LLGL2: variants seen among roughly 807,000 people sequenced by gnomAD.
The protein encoded by LLGL2 is LLGL2, scribble cell polarity complex component.
In LLGL2, 81 loss-of-function variants were observed where a neutral mutation model predicts 123.2. The ratio of observed to expected loss-of-function variants is 0.66; its 90% CI spans 0.55 to 0.79. The LOEUF is 0.79. LLGL2 is among the 30% of genes least tolerant of loss of function. LLGL2 has a pLI of 0.00. For missense variants in LLGL2, 1,273 were observed against 1,414.6 expected (o/e 0.90, Z 1.61); for synonymous variants, 577 against 594.1 (o/e 0.97, Z 0.42).
rs753045362 is a variant in LLGL2, at chr17:75,570,218, C to T, written c.1837C>T (p.Leu613Phe). The change falls in exon 15 of 26, where the codon CTC becomes TTC. Residue 613 changes from leucine to phenylalanine, a missense_variant. By Grantham distance (22) the Leu-to-Phe change is conservative. Transcript: ENST00000392550. ...VAFGTSHGFG[L>F]FDHQQRRQVF... The stretch of plus-strand genomic sequence containing the variant: ...CTTCGGCACCAGCCATGGCTTTGGC[C>T]TCTTTGACCACCAGCAGCGGCGGCA... 20 of 1,600,664 alleles carry T rather than the reference C, an allele frequency of 1.2e-5. No homozygotes were observed. Among genetic ancestry groups the T allele is most frequent in the Non-Finnish European group, 6.8e-6 (8 of 1,174,872 alleles).
rs372940306 is a variant in LLGL2, at chr17:75,560,802, TAAAAAAAAAAAA to T, written c.530+1411_530+1422del. On this transcript the variant is annotated intron_variant, in intron 6 of 25. Coordinates refer to ENST00000392550, the MANE Select transcript of LLGL2 (RefSeq NM_001031803.2). Reference sequence around the variant, plus strand: ...CGCCTGGCCCAGTTTGTTTATTTATTAAAAAAAAAAAAAAAAAAAAAAAAAAAAAACAAAGAA... The same window carrying T: ...CGCCTGGCCCAGTTTGTTTATTTATTAAAAAAAAAAAAAAAAAACAAAGAA... Among the ~76,000 whole-genome samples the T allele has an allele frequency of 1.6e-3, 150 of 96,122 alleles. 4 individuals are homozygous for T. Among genetic ancestry groups the T allele is most frequent in the Admixed American group, 2.4e-3 (16 of 6,760 alleles). The allele number at this position is 96,122 out of a possible 152,430, so 63.1% of individuals were successfully genotyped here. A position where few individuals can be genotyped will look rare whatever the true frequency, so the allele number is the denominator to read the frequency against.
intron 18 of LLGL2, 25 bp downstream of exon 18, chr17:75,571,808 A>G: frequency 6.2e-7 from 1 of 1,603,848 alleles, no homozygotes; most frequent in East Asian, 2.2e-5. Context: ...GGGAGAGCAG[A>G]GGGTGCTCGG....
chr17:75,561,905 G>C (rs371135404), intron 6 of LLGL2, among the ~76,000 whole-genome samples: 3 of 151,808 alleles, frequency 2.0e-5, no homozygotes, highest in African/African-American at 7.3e-5. Context: ...CTGGGCAACA[G>C]AGCGAGACTC....
In LLGL2 at chr17:75,556,103, C is replaced by G. The variant is rs748801213; in HGVS notation, c.133C>G (p.Arg45Gly). The stretch of plus-strand genomic sequence containing the variant: ...CGCCCTCGGCTACAGCCCGTCCCTG[C>G]GCATCCTGGCCATCGGCACCCGTTC... ...PSALGYSPSLRILAIGTRSGA... is the reference protein window; with the variant it reads ...PSALGYSPSLGILAIGTRSGA... The change falls in exon 3 of 26, where the codon CGC (arginine) becomes GGC (glycine). Residue 45 changes from arginine to glycine, a missense_variant. By Grantham distance (125) the Arg-to-Gly change is moderately radical. Transcript: ENST00000392550. The G allele has an allele frequency of 6.2e-7, 1 of 1,610,492 alleles. No homozygotes were observed. Among genetic ancestry groups the G allele is most frequent in the East Asian group, 2.2e-5 (1 of 44,858 alleles).
In LLGL2 at chr17:75,574,855, C is replaced by T; in HGVS notation, c.3056-16C>T. On this transcript the variant is annotated splice_polypyrimidine_tract_variant and intron_variant, in intron 25 of 25. Coordinates refer to ENST00000392550, the MANE Select transcript of LLGL2 (RefSeq NM_001031803.2). ...CTGCCCAGGGTGATCTTGAGCTGTC[C>T]CTCTGTGTCCTTCAGCAGAGTGAGT... 1 of 1,613,952 alleles carries T rather than the reference C, an allele frequency of 6.2e-7. No individual in the cohort carries two copies. Among genetic ancestry groups the T allele is most frequent in the Non-Finnish European group, 8.5e-7 (1 of 1,179,890 alleles).
Position 75,573,134 on chromosome 17 carries a change from G to A in LLGL2, c.2581G>A (p.Glu861Lys), listed in dbSNP as rs749672238. 14 of 1,613,016 alleles carry A rather than the reference G, an allele frequency of 8.7e-6. No homozygotes were observed. In the African/African-American group the frequency reaches 1.2e-4, roughly 14 times the overall value. The part of the protein sequence containing the change: ...FGSRRAEDYG[E>K]HHLAVLTNLG... ...CAGTCGTCGAGCCGAGGACTACGGG[G>A]AGCACCACCTGGCAGTCCTTACCAA... The change falls in exon 20 of 26, where the codon GAG becomes AAG. Residue 861 changes from glutamate (E) to lysine (K), a missense_variant. By Grantham distance (56) the Glu-to-Lys change is moderately conservative. Transcript: ENST00000392550.
At position 75,572,040 on chromosome 17, in the gene LLGL2, C is replaced by T. The variant is rs1250367255; in HGVS notation, c.2436C>T (p.Leu812=). ...SPDMQGSHQL[L]VVSEEQFKVF... Reference sequence around the variant, plus strand: ...ACATGCAGGGAAGCCACCAGCTGCTCGTCGTATCAGAGGAGCAGTTCAAGG... The same window carrying T: ...ACATGCAGGGAAGCCACCAGCTGCTTGTCGTATCAGAGGAGCAGTTCAAGG... The change falls in exon 19 of 26, where the codon CTC becomes CTT. Residue 812 remains leucine, a synonymous_variant. Coordinates refer to ENST00000392550, the MANE Select transcript of LLGL2 (RefSeq NM_001031803.2). 3 of 1,612,052 alleles carry T rather than the reference C, an allele frequency of 1.9e-6. No homozygotes were observed. The highest frequency in any genetic ancestry group is 1.3e-5 in the African/African-American group (1 of 75,064).
chr17:75,573,650 G>GGACTCTCCC lies in LLGL2; in HGVS notation c.2876+20_2876+21insACTCTCCCG. 6.4e-7 allele frequency: 1 copy of GGACTCTCCC among 1,571,070 alleles called. No homozygotes were observed. The highest frequency in any genetic ancestry group is 8.7e-7 in the Non-Finnish European group (1 of 1,155,108). On this transcript the variant is annotated intron_variant, in intron 21 of 25. Transcript: ENST00000392550. ...GAGCCAGGTGAGTGAAAGGGCCAGA[G>GGACTCTCCC]GCCTCTCCCGCCCCTCCCGCCCCTC...
At chr17:75,527,391 A>T (rs1186413457) in intron 1 of LLGL2, among the ~76,000 whole-genome samples, 1 of 151,944 alleles carries the variant, frequency 6.6e-6, no homozygotes, top group East Asian at 1.9e-4. Context: ...CTGAAGTTAG[A>T]CTGGGCCCAT....
chr17:75,558,390 C>A lies in LLGL2; in HGVS notation c.256-122C>A. 1 of 1,145,164 alleles carries A rather than the reference C, an allele frequency of 8.7e-7. No homozygotes were observed. The highest frequency in any genetic ancestry group is 1.2e-6 in the Non-Finnish European group (1 of 811,316). 70.9% of individuals were successfully genotyped at this position (1,145,164 alleles called of 1,614,324 possible). A position where few individuals can be genotyped will look rare whatever the true frequency, so the allele number is the denominator to read the frequency against. On this transcript the variant is annotated intron_variant, in intron 4 of 25. Transcript: ENST00000392550. This position sits in a 1 kb window ranked among gnomAD's most constrained non-coding sequence, Gnocchi z 4.0. Reference sequence around the variant, plus strand: ...ACCCCCTCCCTTTCCACAGCTGGGGCTCATGGGCCACCCTGGGAGTGGCCA... The same window carrying A: ...ACCCCCTCCCTTTCCACAGCTGGGGATCATGGGCCACCCTGGGAGTGGCCA...
At position 75,532,269 on chromosome 17, in the gene LLGL2, G is replaced by C. The variant is rs558403128; in HGVS notation, c.-31+6444G>C. On this transcript the variant is annotated intron_variant, in intron 1 of 25. Coordinates refer to ENST00000392550, the MANE Select transcript of LLGL2 (RefSeq NM_001031803.2). Reference sequence around the variant, plus strand: ...GCCCAGCTAATTTTTTGTTTGTTTTGAGACGGAGACTTGCTCTGTTGCCCA... The same window carrying C: ...GCCCAGCTAATTTTTTGTTTGTTTTCAGACGGAGACTTGCTCTGTTGCCCA... Among the ~76,000 whole-genome samples the C allele has an allele frequency of 1.6e-3, 242 of 151,632 alleles. 1 individual carries two copies. Among genetic ancestry groups the C allele is most frequent in the Non-Finnish European group, 2.9e-3 (198 of 67,892 alleles).
At chr17:75,572,471 G>A (rs1598639252) in intron 19 of LLGL2, among the ~76,000 whole-genome samples, 1 of 152,172 alleles carries the variant, frequency 6.6e-6, no homozygotes, top group African/African-American at 2.4e-5. Flanking sequence ...AGACCATCCT[G>A]GCTAACACGG....
At position 75,564,806 on chromosome 17, in the gene LLGL2, G is replaced by A; in HGVS notation, c.1036+299G>A. 3.1e-6 allele frequency: 1 copy of A among 327,296 alleles called. No individual in the cohort carries two copies. Among genetic ancestry groups the A allele is most frequent in the South Asian group, 7.6e-5 (1 of 13,182 alleles). 20.3% of individuals were successfully genotyped at this position (327,296 alleles called of 1,614,324 possible). A position where few individuals can be genotyped will look rare whatever the true frequency, so the allele number is the denominator to read the frequency against. Reference sequence around the variant, plus strand: ...TTGAGCCTGGGAGGTGGAGGTTGCAGCGAACCAGGATCATGCTACTGTACT... The same window carrying A: ...TTGAGCCTGGGAGGTGGAGGTTGCAACGAACCAGGATCATGCTACTGTACT... On this transcript the variant is annotated intron_variant, in intron 10 of 25. Coordinates refer to ENST00000392550, the MANE Select transcript of LLGL2 (RefSeq NM_001031803.2). The surrounding 1 kb of genome is among the most constrained non-coding windows in gnomAD (Gnocchi z 4.9).
At chr17:75,528,795 A>G (rs968208282) in intron 1 of LLGL2, among the ~76,000 whole-genome samples, 1 of 152,108 alleles carries the variant, frequency 6.6e-6, no homozygotes, top group Non-Finnish European at 1.5e-5. Flanking sequence ...CTGTTCATTT[A>G]AAAAATAGAA....
rs368318098 is a variant in LLGL2 at position 75,559,410 on chromosome 17, G to C, written c.530G>C (p.Arg177Pro). 1 of 1,603,874 alleles carries C rather than the reference G, an allele frequency of 6.2e-7. No individual in the cohort carries two copies. Among genetic ancestry groups the C allele is most frequent in the African/African-American group, 1.3e-5 (1 of 74,598 alleles). ...ATCAGCTCGGACGCGGTGCTGCAGC[G>C]GTGAGCCCAGAGCCCAGCTGCTGTT... Reference protein sequence around the residue: ...RTISSDAVLQRLPEEARHRRV... With the variant: ...RTISSDAVLQPLPEEARHRRV... Residue 177 changes from arginine to proline, a missense_variant and splice_region_variant, in exon 6 of 26, where the codon CGG (arginine) becomes CCG (proline). Arg to Pro is a moderately radical substitution (Grantham distance 103). Coordinates refer to ENST00000392550, the MANE Select transcript of LLGL2 (RefSeq NM_001031803.2). This position sits in a 1 kb window ranked among gnomAD's most constrained non-coding sequence, Gnocchi z 4.6.
chr17:75,568,780 A>C lies in LLGL2; in HGVS notation c.1263A>C (p.Pro421=). Residue 421 remains proline, a synonymous_variant, in exon 12 of 26, where the codon CCA becomes CCC. Coordinates refer to ENST00000392550, the MANE Select transcript of LLGL2 (RefSeq NM_001031803.2). ...QNAHFSTMEW[P]IDGGTSLTPA... ...TTGGTCTCTTTTTCTAGGAGTGGCCAATTGATGGTGGCACCAGCCTGACCC... is the reference window on the plus strand; with the variant it reads ...TTGGTCTCTTTTTCTAGGAGTGGCCCATTGATGGTGGCACCAGCCTGACCC... 6.2e-7 allele frequency: 1 copy of C among 1,606,308 alleles called. No individual in the cohort carries two copies. Among genetic ancestry groups the C allele is most frequent in the East Asian group, 2.2e-5 (1 of 44,802 alleles).
chr17:75,564,862 CAAAAA>C lies in LLGL2; in HGVS notation c.1036+368_1036+372del, dbSNP rs33986841. On this transcript the variant is annotated intron_variant, in intron 10 of 25. Transcript: ENST00000392550. The surrounding 1 kb of genome is among the most constrained non-coding windows in gnomAD (Gnocchi z 4.9). ...TGGGTGACATAGCCAGACTGTGTCT[CAAAAA>C]AAAAAAAAAAAAGGGCTCTGCACAG... 2.8e-5 allele frequency: 3 copies of C among 107,742 alleles called. No homozygotes were observed. The highest frequency in any genetic ancestry group is 1.9e-4 in the Admixed American group (2 of 10,370). The allele number at this position is 107,742 out of a possible 1,614,324, so 6.7% of individuals were successfully genotyped here. A position where few individuals can be genotyped will look rare whatever the true frequency, so the allele number is the denominator to read the frequency against.
Position 75,559,350 on chromosome 17 carries a change from AG to A in LLGL2, c.471del (p.Gln157HisfsTer49). 1 of 1,613,558 alleles carries A rather than the reference AG, an allele frequency of 6.2e-7. No individual in the cohort carries two copies. Among genetic ancestry groups the A allele is most frequent in the Non-Finnish European group, 8.5e-7 (1 of 1,179,954 alleles). Reference protein sequence around the residue: ...GTESGNVFVVQLPAFRALEDR... With the variant: ...GTESGNVFVVXLPAFRALEDR... Reference sequence around the variant, plus strand: ...GAGAGTGGCAACGTGTTTGTGGTGCAGCTGCCAGCTTTTCGTGCGCTGGAGG... The same window carrying A: ...GAGAGTGGCAACGTGTTTGTGGTGCACTGCCAGCTTTTCGTGCGCTGGAGG... On this transcript the variant is annotated frameshift_variant, in exon 6 of 26. Transcript: ENST00000392550. LOFTEE classifies it high-confidence loss of function. The surrounding 1 kb of genome is among the most constrained non-coding windows in gnomAD (Gnocchi z 4.6).
rs377196255 is a variant in LLGL2 at position 75,569,917 on chromosome 17, C to T, written c.1582-46C>T. 17 of 1,537,660 alleles carry T rather than the reference C, an allele frequency of 1.1e-5. No individual in the cohort carries two copies. In the South Asian group the frequency reaches 1.3e-4, roughly 11 times the overall value. ...CACTAGTAGCATCCTGCGGCCCTGC[C>T]GTCCCTTTGCTGAGGGCTTGCTGAG... On this transcript the variant is annotated intron_variant, in intron 14 of 25. Transcript: ENST00000392550.
Sources: gnomAD v4.1 joint callset for allele counts (sites outside exome capture counted in the v4.1 genomes callset) on GRCh38, gnomAD v4.1.1 for gene constraint, Gnocchi (gnomAD v3.1) non-coding constraint, MANE v1.5 for transcripts, NCBI Gene and HGNC (gene_info 2026-07-23, HGNC 2026-07-21) for gene names.